Variants in CEP192 observed in about 807,000 individuals in gnomAD.
The protein encoded by CEP192 is centrosomal protein of 192 kDa.
A neutral mutation model predicts 271.8 loss-of-function variants in CEP192; 151 were observed. That is an observed-to-expected ratio of 0.56 (90% CI 0.49 to 0.64). The LOEUF (loss-of-function observed/expected upper bound fraction) is 0.64, where lower values mean the gene tolerates loss of function less well. Ranked by LOEUF, CEP192 falls within the 30% of genes least tolerant of loss-of-function variation. The probability of loss-of-function intolerance (pLI) is 0.00; values close to 1 mark genes in which losing one functional copy is unlikely to be tolerated. For synonymous variants in CEP192, 995 were observed against 1,076.5 expected, an observed-to-expected ratio of 0.92 and a Z score of 1.48; for missense variants, 2,910 against 3,020.5, an observed-to-expected ratio of 0.96 and a Z score of 0.86.
At chr18:13,086,475 C>T (rs967380572) in intron 30 of CEP192, among the ~76,000 whole-genome samples, 6 of 152,132 alleles carry the variant, frequency 3.9e-5, no homozygotes, top group African/African-American at 7.2e-5. Context: ...GGTAAGGCGA[C>T]GCCCCACCCT....
chr18:13,103,235 G>C (rs1313541097), intron 38 of CEP192, among the ~76,000 whole-genome samples: 2 of 152,156 alleles, frequency 1.3e-5, no homozygotes, highest in East Asian at 3.9e-4. Flanking sequence ...CTTTTTTACA[G>C]AGCAGTCTGT....
intron 38 of CEP192, among the ~76,000 whole-genome samples, chr18:13,102,726 G>A (rs909400336): frequency 2.6e-5 from 4 of 152,178 alleles, no homozygotes; most frequent in African/African-American, 7.2e-5. Context: ...ATCCCTTGCT[G>A]ACTCCTCTCC....
chr18:13,020,523 T>C (rs1053976845), intron 9 of CEP192, among the ~76,000 whole-genome samples: 2 of 152,232 alleles, frequency 1.3e-5, no homozygotes, highest in African/African-American at 2.4e-5. Flanking sequence ...TTGAGTGTAA[T>C]GCTGCCGTGA....
Position 13,025,430 on chromosome 18 carries a change from TG to T in CEP192, c.1051-4231del, listed in dbSNP as rs575672293. Among the ~76,000 whole-genome samples the T allele has an allele frequency of 1.1e-4, 17 of 152,246 alleles. No individual in the cohort carries two copies. In the South Asian group the frequency reaches 3.3e-3, roughly 30 times the overall value. The stretch of plus-strand genomic sequence containing the variant: ...TAGGGTCTTGCTATGTTGCCCAGTC[TG>T]GTCTTGAGCTCCTGGCCTCAAGTGA... On this transcript the variant is annotated intron_variant, in intron 9 of 44. Transcript: ENST00000506447.
chr18:13,049,887 T>A lies in CEP192; in HGVS notation c.3013T>A (p.Ser1005Thr). ...TAGTGAAATTTCTGGAACGAGTTCATCAGGGTAAGTGTGTACCTTCTTTTT... is the reference window on the plus strand; with the variant it reads ...TAGTGAAATTTCTGGAACGAGTTCAACAGGGTAAGTGTGTACCTTCTTTTT... ...SPSEISGTSS[S>T]GCALESFGSA... is the part of the protein sequence containing the mutation. The change falls in exon 17 of 45, where the codon TCA (serine) becomes ACA (threonine). Residue 1005 changes from serine (S) to threonine (T), a missense_variant. Transcript: ENST00000506447. 6.2e-7 allele frequency: 1 copy of A among 1,613,784 alleles called. No individual in the cohort carries two copies. The highest frequency in any genetic ancestry group is 8.5e-7 in the Non-Finnish European group (1 of 1,179,810).
chr18:13,009,725 C>T (rs755931514), intron 4 of CEP192, among the ~76,000 whole-genome samples: 77 of 152,106 alleles, frequency 5.1e-4, no homozygotes, highest in Non-Finnish European at 1.0e-3. Context: ...CCCAGCTACC[C>T]GGGAGGCTGA....
Position 13,100,491 on chromosome 18 carries a change from A to G in CEP192, c.6850A>G (p.Thr2284Ala). 1 of 1,613,302 alleles carries G rather than the reference A, an allele frequency of 6.2e-7. No individual in the cohort carries two copies. The highest frequency in any genetic ancestry group is 8.5e-7 in the Non-Finnish European group (1 of 1,179,624). Residue 2284 changes from threonine (T) to alanine (A), a missense_variant, in exon 38 of 45, where the codon ACA becomes GCA. Thr to Ala is a moderately conservative substitution (Grantham distance 58). Coordinates refer to ENST00000506447, the MANE Select transcript of CEP192 (RefSeq NM_032142.4). ...AAACAAGAGTATTACTTTTCCTACA[A>G]CAGAACCTGGTGAAACTTCAGGTAT... ...IRNKSITFPT[T>A]EPGETSESCL...
intron 30 of CEP192, among the ~76,000 whole-genome samples, chr18:13,084,962 C>T (rs1382123767): frequency 3.3e-5 from 5 of 151,390 alleles, no homozygotes; most frequent in African/African-American, 1.2e-4. Flanking sequence ...ACTACAAGCG[C>T]ATGCCACCAC....
intron 19 of CEP192, 43 bp downstream of exon 19, chr18:13,056,741 C>T: frequency 6.9e-7 from 1 of 1,445,238 alleles, no homozygotes. Flanking sequence ...CTATTATTTT[C>T]TCAAATGACA....
intron 38 of CEP192, among the ~76,000 whole-genome samples, chr18:13,102,505 C>G (rs772994684): frequency 9.9e-5 from 15 of 152,184 alleles, no homozygotes; most frequent in Non-Finnish European, 1.6e-4. Flanking sequence ...GCCCTCACTT[C>G]CTTAGGCCAT....
chr18:13,059,961 T>G (rs556214259), intron 21 of CEP192, among the ~76,000 whole-genome samples: 1 of 152,322 alleles, frequency 6.6e-6, no homozygotes, highest in African/African-American at 2.4e-5. Context: ...TCCTCTTAGT[T>G]GATAGTGAAA....
intron 15 of CEP192, among the ~76,000 whole-genome samples, chr18:13,045,134 C>G (rs527772967): frequency 6.6e-6 from 1 of 152,146 alleles, no homozygotes; most frequent in Non-Finnish European, 1.5e-5. Flanking sequence ...TTTTCCCTCT[C>G]TTTTTCTTAA....
intron 43 of CEP192, 85 bp from the exon 44 acceptor site, chr18:13,117,500 G>A: frequency 3.1e-6 from 3 of 962,040 alleles, no homozygotes; most frequent in South Asian, 1.4e-5. Context: ...AAATGTATCT[G>A]TAATAAATAA....
chr18:13,092,132 G>C (rs889683425), intron 33 of CEP192, among the ~76,000 whole-genome samples: 1 of 152,108 alleles, frequency 6.6e-6, no homozygotes, highest in African/African-American at 2.4e-5. Context: ...TAAGTAACTT[G>C]CCAAAAGTCA....
chr18:12,998,943 G>GTTCACTTTTTAA, intron 1 of CEP192, among the ~76,000 whole-genome samples: 1 of 152,090 alleles, frequency 6.6e-6, no homozygotes, highest in Middle Eastern at 3.4e-3. Flanking sequence ...CTTTGAATGG[G>GTTCACTTTTTAA]TTCACTTTTT....
At chr18:13,026,681 C>T (rs2035321793) in intron 9 of CEP192, among the ~76,000 whole-genome samples, 2 of 152,154 alleles carry the variant, frequency 1.3e-5, no homozygotes, top group South Asian at 4.1e-4. Flanking sequence ...ATGAGCCCAG[C>T]GTAGACATTC....
At chr18:13,109,792 AC>A (rs2040127417) in intron 40 of CEP192, among the ~76,000 whole-genome samples, 1 of 152,114 alleles carries the variant, frequency 6.6e-6, no homozygotes, top group Non-Finnish European at 1.5e-5. Flanking sequence ...TAATAGACAA[AC>A]CTTTGGCAAA....
intron 30 of CEP192, among the ~76,000 whole-genome samples, chr18:13,075,827 C>T (rs1229761477): frequency 6.6e-6 from 1 of 152,154 alleles, no homozygotes; most frequent in African/African-American, 2.4e-5. Context: ...GATCGTGCAT[C>T]TTACTTGCTG....
chr18:13,072,488 T>C (rs2038062203), intron 28 of CEP192, among the ~76,000 whole-genome samples: 1 of 152,238 alleles, frequency 6.6e-6, no homozygotes, highest in Non-Finnish European at 1.5e-5. Context: ...AGATAATACC[T>C]ATACACATAG....
Sources: allele counts gnomAD v4.1 joint callset (sites outside exome capture counted in the v4.1 genomes callset), GRCh38; gene constraint gnomAD v4.1.1; transcripts MANE v1.5; gene names NCBI Gene and HGNC (gene_info 2026-07-23, HGNC 2026-07-21).